Variants in PPP2R1A observed in about 807,000 individuals in gnomAD.
The protein encoded by PPP2R1A is protein phosphatase 2 scaffold subunit Aalpha.
PPP2R1A carries 15 observed loss-of-function variants against 67.1 expected under a neutral mutation model. The observed-to-expected ratio is 0.22, with a 90% CI of 0.15 to 0.34. PPP2R1A has a LOEUF of 0.34. Among genes scored for constraint, PPP2R1A ranks in the 10% least tolerant of loss-of-function variants. The probability of loss-of-function intolerance (pLI) is 1.00; values close to 1 mark genes in which losing one functional copy is unlikely to be tolerated. For missense variants in PPP2R1A, 369 were observed against 775.0 expected (o/e 0.48, Z 6.22); for synonymous variants, 337 against 325.0 (o/e 1.04, Z -0.40).
In PPP2R1A at chr19:52,228,408, G is replaced by A. The variant is rs974311903; in HGVS notation, c.*2427G>A. On this transcript the variant is annotated 3_prime_UTR_variant, in exon 15 of 15. Transcript: ENST00000322088. ...AGCCCGAGTGGAGACTCGTTCAAGT[G>A]TGTTACTGAGGGAGTGCTCTCAGGA... 5 of 152,356 alleles carry A rather than the reference G, an allele frequency of 3.3e-5. No individual in the cohort carries two copies. The South Asian group carries it at 1.0e-3, about 32-fold the overall frequency. The allele number at this position is 152,356 out of a possible 1,614,324, so 9.4% of individuals were successfully genotyped here.
In PPP2R1A at chr19:52,226,110, C is replaced by T. The variant is rs1979244470; in HGVS notation, c.*129C>T. Reference sequence around the variant, plus strand: ...CATGGTCTGACCCCAGGCCCCTTCCCCCAGCACGGTTCCTCCTCTCCCCAG... The same window carrying T: ...CATGGTCTGACCCCAGGCCCCTTCCTCCAGCACGGTTCCTCCTCTCCCCAG... On this transcript the variant is annotated 3_prime_UTR_variant, in exon 15 of 15. Transcript: ENST00000322088. The T allele has an allele frequency of 2.1e-6, 3 of 1,410,584 alleles. No individual in the cohort carries two copies. The highest frequency in any genetic ancestry group is 1.4e-5 in the African/African-American group (1 of 70,456). The allele number at this position is 1,410,584 out of a possible 1,614,324, so 87.4% of individuals were successfully genotyped here.
intron 9 of PPP2R1A, among the ~76,000 whole-genome samples, chr19:52,218,111 G>T (rs1200992205): frequency 2.6e-5 from 4 of 152,154 alleles, no homozygotes; most frequent in African/African-American, 9.7e-5. Context: ...GGTGGTTTTT[G>T]CCTTGGTGGT....
intron 3 of PPP2R1A, among the ~76,000 whole-genome samples, chr19:52,208,307 T>G (rs923369705): frequency 5.9e-5 from 9 of 151,874 alleles, no homozygotes; most frequent in African/African-American, 2.2e-4. Flanking sequence ...TAGCTGAGAT[T>G]ACAGGCGTGT....
intron 2 of PPP2R1A, among the ~76,000 whole-genome samples, chr19:52,203,021 T>C (rs2089567029): frequency 6.6e-6 from 1 of 152,228 alleles, no homozygotes; most frequent in Admixed American, 6.5e-5. Flanking sequence ...CCATTACTAC[T>C]TCATATTTTA....
intron 1 of PPP2R1A, 183 bp downstream of exon 1, chr19:52,190,357 G>A: frequency 1.4e-6 from 1 of 694,050 alleles, no homozygotes; most frequent in South Asian, 1.9e-5. Context: ...TTGGGTGTCG[G>A]CCCAGTGGAG....
chr19:52,190,821 G>C (rs1318787081), intron 1 of PPP2R1A, among the ~76,000 whole-genome samples: 1 of 152,172 alleles, frequency 6.6e-6, no homozygotes, highest in Non-Finnish European at 1.5e-5. Flanking sequence ...CATTGACCAG[G>C]ATAGGGGTTG....
chr19:52,215,957 A>G (rs758079430), intron 7 of PPP2R1A, 47 bp from the exon 8 acceptor site: 1 of 1,609,136 alleles, frequency 6.2e-7, no homozygotes, highest in East Asian at 2.2e-5. Context: ...AGGTGGAACT[A>G]GCACATCAGG....
At chr19:52,199,499 A>C (rs1023340459) in intron 1 of PPP2R1A, among the ~76,000 whole-genome samples, 1 of 152,170 alleles carries the variant, frequency 6.6e-6, no homozygotes, top group Non-Finnish European at 1.5e-5. Flanking sequence ...GAAAGTTTTC[A>C]GACATGCATA....
At chr19:52,225,600 T>C in intron 13 of PPP2R1A, 117 bp from the exon 14 acceptor site, 1 of 840,600 alleles carries the variant, frequency 1.2e-6, no homozygotes, top group Non-Finnish European at 1.9e-6. Flanking sequence ...TCCTCCCACC[T>C]TGGGTTTGGT....
At chr19:52,210,324 C>T (rs78785446) in intron 3 of PPP2R1A, among the ~76,000 whole-genome samples, 2,745 of 152,066 alleles carry the variant, frequency 0.018, 74 homozygotes, top group African/African-American at 0.062. Context: ...TAACAACCAG[C>T]GAGCAGTCCC....
In PPP2R1A at chr19:52,219,672, CCTT is replaced by C; in HGVS notation, c.1129-15_1129-13del. 3.1e-6 allele frequency: 5 copies of C among 1,598,766 alleles called. No homozygotes were observed. The highest frequency in any genetic ancestry group is 4.3e-6 in the Non-Finnish European group (5 of 1,169,028). Reference sequence around the variant, plus strand: ...TGTGTGCATTGCATTCTCTCAGAATCCTTCTTTCCTCTCCTCAGTGCCCTGAGG... The same window carrying C: ...TGTGTGCATTGCATTCTCTCAGAATCCTTTCCTCTCCTCAGTGCCCTGAGG... On this transcript the variant is annotated splice_polypyrimidine_tract_variant and intron_variant, in intron 9 of 14. Transcript: ENST00000322088. The surrounding 1 kb of genome is among the most constrained non-coding windows in gnomAD (Gnocchi z 4.0).
chr19:52,200,754 G>T (rs896025829), intron 1 of PPP2R1A, among the ~76,000 whole-genome samples: 1 of 152,170 alleles, frequency 6.6e-6, no homozygotes, highest in African/African-American at 2.4e-5. Context: ...TTGTGTTCCT[G>T]GGCTTGTGGA....
intron 1 of PPP2R1A, among the ~76,000 whole-genome samples, chr19:52,198,519 A>G (rs2089517644): frequency 6.6e-6 from 1 of 152,134 alleles, no homozygotes; most frequent in African/African-American, 2.4e-5. Context: ...CCGGTTTATT[A>G]TAAAGGATAT....
Position 52,190,123 on chromosome 19 carries a change from G to T in PPP2R1A, c.27G>T (p.Ser9=), listed in dbSNP as rs1420029846. The T allele has an allele frequency of 2.4e-5, 37 of 1,550,248 alleles. No homozygotes were observed. Among genetic ancestry groups the T allele is most frequent in the Non-Finnish European group, 2.4e-5 (28 of 1,146,566 alleles). MAAADGDD[S]LYPIAVLIDE... ...TGGCGGCGGCCGACGGCGACGACTC[G>T]CTGTACCCCATCGCGGTGCTCATAG... is the stretch of plus-strand genomic sequence containing the variant. The change falls in exon 1 of 15, where the codon TCG becomes TCT. Residue 9 remains serine, a synonymous_variant. Coordinates refer to ENST00000322088, the MANE Select transcript of PPP2R1A (RefSeq NM_014225.6).
intron 1 of PPP2R1A, among the ~76,000 whole-genome samples, chr19:52,192,708 T>G (rs1254138229): frequency 6.6e-6 from 1 of 152,060 alleles, no homozygotes; most frequent in Non-Finnish European, 1.5e-5. Flanking sequence ...CAGCAGACAT[T>G]TGTAGGGAGA....
At chr19:52,195,578 G>A (rs1389010307) in intron 1 of PPP2R1A, among the ~76,000 whole-genome samples, 2 of 152,192 alleles carry the variant, frequency 1.3e-5, no homozygotes, top group Admixed American at 6.5e-5. Context: ...ATTCTGGGTC[G>A]TCAGAACTTC....
chr19:52,197,785 C>G (rs2089509797), intron 1 of PPP2R1A, among the ~76,000 whole-genome samples: 1 of 152,180 alleles, frequency 6.6e-6, no homozygotes, highest in African/African-American at 2.4e-5. Context: ...TACCAGTAAG[C>G]TGTATGCAGT....
intron 9 of PPP2R1A, among the ~76,000 whole-genome samples, chr19:52,218,391 T>G (rs1442647288): frequency 6.6e-6 from 1 of 152,212 alleles, no homozygotes; most frequent in Admixed American, 6.5e-5. Flanking sequence ...AGAATTACAG[T>G]GAATTTTTTA....
chr19:52,223,624 T>G (rs1364685246), intron 13 of PPP2R1A, among the ~76,000 whole-genome samples: 1 of 152,200 alleles, frequency 6.6e-6, no homozygotes, highest in Non-Finnish European at 1.5e-5. Context: ...TTCAGCATCA[T>G]TAGCCTTCAG....
Sources: allele counts gnomAD v4.1 joint callset (sites outside exome capture counted in the v4.1 genomes callset), GRCh38; gene constraint gnomAD v4.1.1; non-coding constraint Gnocchi (gnomAD v3.1); transcripts MANE v1.5; gene names NCBI Gene and HGNC (gene_info 2026-07-23, HGNC 2026-07-21).